Variants in DTNB observed in about 807,000 individuals in gnomAD.
DTNB encodes dystrobrevin beta.
A neutral mutation model predicts 90.7 loss-of-function variants in DTNB; 63 were observed. That is an observed-to-expected ratio of 0.69 (90% CI 0.57 to 0.86). The LOEUF (loss-of-function observed/expected upper bound fraction) is 0.86. DTNB is among the 40% of genes least tolerant of loss of function. DTNB has a pLI of 0.00. For missense variants in DTNB, 744 were observed against 807.1 expected, an observed-to-expected ratio of 0.92 and a Z score of 0.95; for synonymous variants, 277 against 286.7, an observed-to-expected ratio of 0.97 and a Z score of 0.34.
At chr2:25,609,744 G>A (rs1156259739) in intron 4 of DTNB, among the ~76,000 whole-genome samples, 1 of 149,164 alleles carries the variant, frequency 6.7e-6, no homozygotes, top group Admixed American at 6.7e-5. Flanking sequence ...CCAACCCTTA[G>A]AGATCCTAAT....
chr2:25,596,223 A>T lies in DTNB; in HGVS notation c.466T>A (p.Ser156Thr). 1 of 1,608,314 alleles carries T rather than the reference A, an allele frequency of 6.2e-7. No individual in the cohort carries two copies. The highest frequency in any genetic ancestry group is 8.5e-7 in the Non-Finnish European group (1 of 1,177,838). ...DKLRYVFSQM[S>T]DSNGLMIFSK... ...AATATCATTAAGCCATTGGAATCTG[A>T]CATCTGGGAGAAAACATCTATGAGA... The change falls in exon 6 of 21, where the codon TCA becomes ACA. Residue 156 changes from serine to threonine, a missense_variant. Transcript: ENST00000406818.
intron 8 of DTNB, among the ~76,000 whole-genome samples, chr2:25,552,316 T>C (rs1193647976): frequency 6.6e-6 from 1 of 152,216 alleles, no homozygotes. Flanking sequence ...TGCCACCTCA[T>C]TGAAAAGCTT....
chr2:25,599,346 ATT>A lies in DTNB; in HGVS notation c.449-3108_449-3107del, dbSNP rs34887301. ...ACATTACTGTTTGAACTAACTAGCA[ATT>A]TTTTTTTTTTTTAGACGGGGTCTCA... On this transcript the variant is annotated intron_variant, in intron 5 of 20. Transcript: ENST00000406818. 6.2e-3 allele frequency among the ~76,000 whole-genome samples: 908 copies of A among 147,404 alleles called. 8 individuals are homozygous for A. Among genetic ancestry groups the A allele is most frequent in the African/African-American group, 0.02 (806 of 40,114 alleles).
intron 12 of DTNB, among the ~76,000 whole-genome samples, chr2:25,449,768 CTTTTT>C (rs35325641): frequency 2.9e-5 from 4 of 139,622 alleles, no homozygotes; most frequent in African/African-American, 8.0e-5. Flanking sequence ...TTTTCTTTTT[CTTTTT>C]TTTTTTTTTG....
At chr2:25,650,411 G>C (rs1233682104) in intron 2 of DTNB, among the ~76,000 whole-genome samples, 1 of 152,210 alleles carries the variant, frequency 6.6e-6, no homozygotes, top group Non-Finnish European at 1.5e-5. Flanking sequence ...GAGTTTTGAA[G>C]GGTAGGCAGA....
intron 16 of DTNB, among the ~76,000 whole-genome samples, chr2:25,412,761 G>A (rs1040185129): frequency 2.2e-4 from 34 of 152,280 alleles, no homozygotes; most frequent in African/African-American, 6.5e-4. Context: ...GAAATTTTAT[G>A]GTGCACTGAG....
chr2:25,618,960 T>C (rs1459373144), intron 4 of DTNB, among the ~76,000 whole-genome samples: 1 of 152,224 alleles, frequency 6.6e-6, no homozygotes, highest in Non-Finnish European at 1.5e-5. Context: ...TAAACGCTGT[T>C]ATGTTTTAAC....
intron 10 of DTNB, among the ~76,000 whole-genome samples, chr2:25,472,876 A>G (rs533872141): frequency 6.6e-6 from 1 of 152,290 alleles, no homozygotes; most frequent in Non-Finnish European, 1.5e-5. Flanking sequence ...ACAAGAGTGA[A>G]ACTCCATCCC....
intron 16 of DTNB, among the ~76,000 whole-genome samples, chr2:25,418,873 A>G (rs1305963815): frequency 1.3e-5 from 2 of 152,164 alleles, no homozygotes; most frequent in African/African-American, 4.8e-5. Flanking sequence ...CCTGCAATTG[A>G]CTTTCTTGTG....
At chr2:25,562,635 T>C (rs1187889448) in intron 8 of DTNB, among the ~76,000 whole-genome samples, 1 of 152,320 alleles carries the variant, frequency 6.6e-6, no homozygotes, top group Non-Finnish European at 1.5e-5. Flanking sequence ...GGGTACGAAA[T>C]AGCACCTCAC....
chr2:25,443,119 G>A (rs1269710294), intron 12 of DTNB, among the ~76,000 whole-genome samples: 1 of 152,204 alleles, frequency 6.6e-6, no homozygotes, highest in East Asian at 1.9e-4. Context: ...GAATGCAACT[G>A]TTAGGTTGAA....
intron 3 of DTNB, among the ~76,000 whole-genome samples, chr2:25,633,143 T>C (rs1056809181): frequency 6.6e-6 from 1 of 152,020 alleles, no homozygotes; most frequent in African/African-American, 2.4e-5. Flanking sequence ...AACATAACAA[T>C]GAAATTTTAA....
intron 9 of DTNB, among the ~76,000 whole-genome samples, chr2:25,515,239 C>T (rs1269768203): frequency 6.6e-6 from 1 of 152,084 alleles, no homozygotes; most frequent in Non-Finnish European, 1.5e-5. Flanking sequence ...AATTGCTCAA[C>T]AGATTTAATA....
At chr2:25,528,049 G>A (rs1249585007) in intron 9 of DTNB, among the ~76,000 whole-genome samples, 3 of 152,058 alleles carry the variant, frequency 2.0e-5, no homozygotes, top group African/African-American at 7.2e-5. Context: ...TCAAACAATG[G>A]CCAACTCAGA....
At chr2:25,435,835 A>G (rs1490671682) in intron 12 of DTNB, among the ~76,000 whole-genome samples, 1 of 152,242 alleles carries the variant, frequency 6.6e-6, no homozygotes, top group East Asian at 1.9e-4. Flanking sequence ...CATTCCTGCC[A>G]GCAATGTATC....
At chr2:25,659,516 CAA>C (rs924976014) in intron 1 of DTNB, among the ~76,000 whole-genome samples, 2 of 149,114 alleles carry the variant, frequency 1.3e-5, no homozygotes, top group Admixed American at 6.7e-5. Flanking sequence ...AACAGAGCAA[CAA>C]AAAAAAGAGG....
intron 15 of DTNB, 98 bp from the exon 16 acceptor site, chr2:25,419,633 GAA>G (rs1574123409): frequency 6.8e-7 from 1 of 1,474,358 alleles, no homozygotes; most frequent in Non-Finnish European, 9.1e-7. Context: ...AGAAATGATA[GAA>G]AAATCAGGCA....
intron 6 of DTNB, among the ~76,000 whole-genome samples, chr2:25,585,562 T>C (rs2062236943): frequency 6.6e-6 from 1 of 152,132 alleles, no homozygotes; most frequent in Admixed American, 6.5e-5. Flanking sequence ...AGTAACCCCT[T>C]AAAAATGAAA....
chr2:25,414,142 A>G (rs769898863), intron 16 of DTNB, among the ~76,000 whole-genome samples: 2 of 151,816 alleles, frequency 1.3e-5, no homozygotes, highest in Non-Finnish European at 2.9e-5. Flanking sequence ...TTTTCCTGTA[A>G]ATTTGTTTGA....
Sources: gnomAD v4.1 joint callset for allele counts (sites outside exome capture counted in the v4.1 genomes callset) on GRCh38, gnomAD v4.1.1 for gene constraint, MANE v1.5 for transcripts, NCBI Gene and HGNC (gene_info 2026-07-23, HGNC 2026-07-21) for gene names.